RNF24: variants seen among roughly 807,000 people sequenced by gnomAD.
RNF24 encodes the protein ring finger protein 24.
Under a neutral mutation model 20.0 loss-of-function variants are expected in RNF24, and 14 were observed. The ratio of observed to expected loss-of-function variants is 0.70; its 90% CI spans 0.46 to 1.10. The LOEUF (loss-of-function observed/expected upper bound fraction) is 1.10, where lower values mean the gene tolerates loss of function less well. Among genes scored for constraint, RNF24 ranks in the 50% least tolerant of loss-of-function variants. The pLI is 0.00. For synonymous variants in RNF24, 45 were observed against 61.1 expected (o/e 0.74, Z 1.23); for missense variants, 124 against 177.6 (o/e 0.70, Z 1.71).
intron 1 of RNF24, among the ~76,000 whole-genome samples, chr20:4,007,336 G>A (rs1981953972): frequency 6.6e-6 from 1 of 152,100 alleles, no homozygotes; most frequent in Non-Finnish European, 1.5e-5. Flanking sequence ...TACAGAGCCT[G>A]TCTGTATTTT....
intron 2 of RNF24, among the ~76,000 whole-genome samples, chr20:3,959,006 AATGT>A (rs1384232718): frequency 2.6e-5 from 4 of 152,166 alleles, no homozygotes; most frequent in African/African-American, 9.6e-5. Context: ...CTTAAATATC[AATGT>A]TTCCTTAGGA....
chr20:3,941,116 C>T (rs915734072), intron 4 of RNF24, among the ~76,000 whole-genome samples: 2 of 152,158 alleles, frequency 1.3e-5, no homozygotes, highest in Admixed American at 6.5e-5. Context: ...GTAGCGTCGA[C>T]CTCCCAGGCT....
intron 1 of RNF24, among the ~76,000 whole-genome samples, chr20:3,994,414 A>G (rs541594419): frequency 2.0e-5 from 3 of 152,180 alleles, no homozygotes; most frequent in Admixed American, 2.0e-4. Context: ...ACAGATAGAA[A>G]TCAATACAAC....
At chr20:4,004,107 C>A (rs1042621781) in intron 1 of RNF24, among the ~76,000 whole-genome samples, 1 of 152,194 alleles carries the variant, frequency 6.6e-6, no homozygotes, top group Non-Finnish European at 1.5e-5. Context: ...CATTAGTTAT[C>A]GTTCCTGAAG....
chr20:3,950,548 T>A (rs1210434231), intron 2 of RNF24, among the ~76,000 whole-genome samples: 2 of 152,382 alleles, frequency 1.3e-5, no homozygotes, highest in East Asian at 3.9e-4. Context: ...GAAATTACAT[T>A]GCTCTTGTTT....
At chr20:3,959,532 A>T (rs2091178851) in intron 2 of RNF24, among the ~76,000 whole-genome samples, 1 of 152,208 alleles carries the variant, frequency 6.6e-6, no homozygotes, top group South Asian at 2.1e-4. Flanking sequence ...TAATATTTTG[A>T]TACAAGCATA....
At chr20:4,010,301 A>T (rs544796927) in intron 1 of RNF24, among the ~76,000 whole-genome samples, 48 of 152,228 alleles carry the variant, frequency 3.2e-4, no homozygotes, top group Non-Finnish European at 3.7e-4. Flanking sequence ...TGAACCCGGG[A>T]AGCAGAGGTT....
At chr20:3,988,230 G>T (rs1279740032) in intron 1 of RNF24, among the ~76,000 whole-genome samples, 1 of 152,022 alleles carries the variant, frequency 6.6e-6, no homozygotes, top group Non-Finnish European at 1.5e-5. Flanking sequence ...AGGCTGAGGT[G>T]AGAAGGTTGC....
chr20:4,013,413 T>C (rs994542156), intron 1 of RNF24, among the ~76,000 whole-genome samples: 3 of 152,222 alleles, frequency 2.0e-5, no homozygotes, highest in African/African-American at 7.2e-5. Context: ...CATACAATTA[T>C]TCATATCATC....
At position 3,929,575 on chromosome 20, in the gene RNF24, A is replaced by G. The variant is rs571901185; in HGVS notation, c.*4488T>C. On this transcript the variant is annotated 3_prime_UTR_variant, in exon 6 of 6. Coordinates refer to ENST00000358395, the MANE Select transcript of RNF24 (RefSeq NM_001134337.3). ...GCATCAAAGACACAAGAGCTTGCCT[A>G]AGTGACCACAACAGTTGCAGCCACA... The G allele has an allele frequency of 2.0e-5, 3 of 152,354 alleles. No homozygotes were observed. The highest frequency in any genetic ancestry group is 2.9e-5 in the Non-Finnish European group (2 of 68,134). 9.4% of individuals were successfully genotyped at this position (152,354 alleles called of 1,614,324 possible).
Position 3,956,704 on chromosome 20 carries a change from C to A in RNF24, c.143+7171G>T, listed in dbSNP as rs181272353. Among the ~76,000 whole-genome samples the A allele has an allele frequency of 1.4e-3, 206 of 152,066 alleles. 5 individuals are homozygous for A. Among genetic ancestry groups the A allele is most frequent in the Non-Finnish European group, 1.9e-4 (13 of 67,974 alleles). ...GAAAACGTTGCTCATTGGTTTTAGTCTTTCTTGCCTAATATATGAATTTAA... is the reference window on the plus strand; with the variant it reads ...GAAAACGTTGCTCATTGGTTTTAGTATTTCTTGCCTAATATATGAATTTAA... On this transcript the variant is annotated intron_variant, in intron 2 of 5. Transcript: ENST00000358395.
intron 1 of RNF24, among the ~76,000 whole-genome samples, chr20:3,979,091 CAA>C (rs11472696): frequency 2.0e-5 from 2 of 101,664 alleles, no homozygotes; most frequent in Non-Finnish European, 2.0e-5. Context: ...GAGACTCTGT[CAA>C]AAAAAAAAAA....
chr20:3,945,156 A>G, intron 4 of RNF24, 21 bp downstream of exon 4: 1 of 1,597,522 alleles, frequency 6.3e-7, no homozygotes, highest in Non-Finnish European at 8.5e-7. Flanking sequence ...GCTCAAGAGG[A>G]TTTACTTATC....
At chr20:4,001,975 G>A (rs1030960707) in intron 1 of RNF24, among the ~76,000 whole-genome samples, 12 of 151,350 alleles carry the variant, frequency 7.9e-5, no homozygotes, top group Non-Finnish European at 1.8e-4. Context: ...AAACAGGGCC[G>A]GGCGCGGTGG....
chr20:3,987,871 C>T (rs1980063939), intron 1 of RNF24, among the ~76,000 whole-genome samples: 2 of 152,078 alleles, frequency 1.3e-5, no homozygotes, highest in East Asian at 3.9e-4. Flanking sequence ...AAGAGGCTGG[C>T]TAGATATATG....
chr20:3,943,219 C>T (rs2090978151), intron 4 of RNF24, among the ~76,000 whole-genome samples: 1 of 151,744 alleles, frequency 6.6e-6, no homozygotes, highest in Non-Finnish European at 1.5e-5. Flanking sequence ...ATTCACAGGT[C>T]AGAAGACTCA....
intron 2 of RNF24, among the ~76,000 whole-genome samples, chr20:3,960,924 G>A (rs2091194936): frequency 2.0e-5 from 3 of 151,910 alleles, no homozygotes; most frequent in Admixed American, 2.0e-4. Context: ...CTCCCGATTA[G>A]CTGGGACTAC....
chr20:3,931,703 A>C lies in RNF24; in HGVS notation c.*2360T>G, dbSNP rs2090825388. On this transcript the variant is annotated 3_prime_UTR_variant, in exon 6 of 6. Coordinates refer to ENST00000358395, the MANE Select transcript of RNF24 (RefSeq NM_001134337.3). ...AGCCCAATCCTAGCAGAATGAATGC[A>C]TTTTAAAACCAGTCCACATTCACAT... 1 of 152,268 alleles carries C rather than the reference A, an allele frequency of 6.6e-6. No homozygotes were observed. Among genetic ancestry groups the C allele is most frequent in the Non-Finnish European group, 1.5e-5 (1 of 68,058 alleles). 9.4% of individuals were successfully genotyped at this position (152,268 alleles called of 1,614,324 possible).
chr20:4,009,197 C>T (rs527870037), intron 1 of RNF24, among the ~76,000 whole-genome samples: 2 of 152,032 alleles, frequency 1.3e-5, no homozygotes, highest in East Asian at 1.9e-4. Context: ...GAGGGTGGTA[C>T]GTACTATAGA....
Sources: gnomAD v4.1 joint callset for allele counts (sites outside exome capture counted in the v4.1 genomes callset) on GRCh38, gnomAD v4.1.1 for gene constraint, MANE v1.5 for transcripts, NCBI Gene and HGNC (gene_info 2026-07-23, HGNC 2026-07-21) for gene names.